The following NCOA7 variants were observed in gnomAD, a reference collection of about 807,000 sequenced individuals.
The protein encoded by NCOA7 is 140 kDa estrogen receptor-associated protein.
Under a neutral mutation model 104.3 loss-of-function variants are expected in NCOA7, and 45 were observed. The ratio of observed to expected loss-of-function variants is 0.43; its 90% CI spans 0.34 to 0.55. The LOEUF (loss-of-function observed/expected upper bound fraction) is 0.55. NCOA7 is among the 20% of genes least tolerant of loss of function. The pLI, the probability that NCOA7 is intolerant of heterozygous loss-of-function variation, is 0.02. For missense variants in NCOA7, 1,041 were observed against 1,119.7 expected, an observed-to-expected ratio of 0.93 and a Z score of 1.00; for synonymous variants, 398 against 402.3, an observed-to-expected ratio of 0.99 and a Z score of 0.13.
intron 1 of NCOA7, among the ~76,000 whole-genome samples, chr6:125,799,106 G>A (rs1775621206): frequency 6.6e-6 from 1 of 152,136 alleles, no homozygotes; most frequent in Admixed American, 6.5e-5. Flanking sequence ...ATGTGGCTTA[G>A]ATGATGATGG....
At chr6:125,826,336 G>GAA (rs34356104) in intron 2 of NCOA7, among the ~76,000 whole-genome samples, 4 of 123,810 alleles carry the variant, frequency 3.2e-5, no homozygotes, top group East Asian at 2.3e-4. Context: ...GTCTCTAAAA[G>GAA]AAAAAAAAAA....
chr6:125,816,553 A>G (rs1440476022), intron 2 of NCOA7, among the ~76,000 whole-genome samples: 1 of 152,228 alleles, frequency 6.6e-6, no homozygotes, highest in Non-Finnish European at 1.5e-5. Context: ...TTCTGCTATT[A>G]TGACTACAGA....
chr6:125,906,177 G>A (rs997064998), intron 10 of NCOA7, among the ~76,000 whole-genome samples: 2 of 152,122 alleles, frequency 1.3e-5, no homozygotes, highest in African/African-American at 4.8e-5. Context: ...CAGGGAGTGG[G>A]ACCCTTAAAA....
chr6:125,845,068 A>G (rs1780482525), intron 2 of NCOA7, among the ~76,000 whole-genome samples: 1 of 152,214 alleles, frequency 6.6e-6, no homozygotes, highest in African/African-American at 2.4e-5. Context: ...CCAAAGTACA[A>G]GACGATTCAA....
chr6:125,922,978 T>C lies in NCOA7; in HGVS notation c.2523+144T>C, dbSNP rs952108627. The C allele has an allele frequency of 1.7e-5, 12 of 704,156 alleles. No homozygotes were observed. The African/African-American group carries it at 2.2e-4, about 13-fold the overall frequency. 43.6% of individuals were successfully genotyped at this position (704,156 alleles called of 1,614,324 possible). ...CTTCTGTGTCTTTTATCTTTGTTTT[T>C]TCTCTGCTGAAATATTTTGAAGTAA... is the stretch of plus-strand genomic sequence containing the variant. On this transcript the variant is annotated intron_variant, in intron 13 of 15. Transcript: ENST00000392477.
intron 3 of NCOA7, among the ~76,000 whole-genome samples, chr6:125,858,325 G>C (rs1781759197): frequency 6.6e-6 from 1 of 152,090 alleles, no homozygotes; most frequent in African/African-American, 2.4e-5. Context: ...GAAGTATCCT[G>C]TGATTTATCT....
At chr6:125,916,977 T>G (rs528643286) in intron 11 of NCOA7, among the ~76,000 whole-genome samples, 1 of 152,346 alleles carries the variant, frequency 6.6e-6, no homozygotes, top group African/African-American at 2.4e-5. Context: ...CTTCATCATG[T>G]TGAAAGATCT....
chr6:125,809,867 G>A (rs535887959), intron 1 of NCOA7, among the ~76,000 whole-genome samples: 1 of 152,194 alleles, frequency 6.6e-6, no homozygotes, highest in East Asian at 1.9e-4. Context: ...TGTTATACTT[G>A]AATATTCAAG....
intron 2 of NCOA7, among the ~76,000 whole-genome samples, chr6:125,846,474 T>C (rs1780628859): frequency 6.6e-6 from 1 of 152,256 alleles, no homozygotes; most frequent in Middle Eastern, 3.4e-3. Context: ...AGCCTCTTGC[T>C]TTTGTTTACT....
At chr6:125,795,575 A>C (rs1334016292) in intron 1 of NCOA7, among the ~76,000 whole-genome samples, 1 of 152,028 alleles carries the variant, frequency 6.6e-6, no homozygotes, top group East Asian at 1.9e-4. Context: ...TTCTATTCCC[A>C]CTGCCTCTGT....
At chr6:125,806,670 A>G (rs1443220700) in intron 1 of NCOA7, among the ~76,000 whole-genome samples, 3 of 152,088 alleles carry the variant, frequency 2.0e-5, no homozygotes, top group African/African-American at 7.2e-5. Flanking sequence ...ATGCCCTGCA[A>G]TGAGTGAGGC....
chr6:125,886,164 G>GAA (rs57159294), intron 8 of NCOA7, among the ~76,000 whole-genome samples: 14,069 of 115,714 alleles, frequency 0.12, 949 homozygotes, highest in African/African-American at 0.19. Flanking sequence ...GGGCTTATAT[G>GAA]AAAAAAAAAA....
At chr6:125,786,965 G>A (rs1320133313), upstream of NCOA7, among the ~76,000 whole-genome samples, 3 of 151,992 alleles carry the variant, frequency 2.0e-5, no homozygotes, top group South Asian at 2.1e-4. Flanking sequence ...TGGGCAACAT[G>A]GCGAAACTCC....
intron 5 of NCOA7, among the ~76,000 whole-genome samples, chr6:125,880,471 C>T (rs766900292): frequency 4.0e-5 from 6 of 151,836 alleles, no homozygotes; most frequent in Non-Finnish European, 8.8e-5. Context: ...GCCCAGAATA[C>T]TTACCCACCT....
At position 125,921,005 on chromosome 6, in the gene NCOA7, C is replaced by T. The variant is rs375194417; in HGVS notation, c.2307C>T (p.Asp769=). ...KSTCSYYEDE[D]EEVLPVLRPH... is the part of the protein sequence containing the mutation. ...CATGCAGCTACTATGAAGACGAGGA[C>T]GAAGAGGTGCTGCCTGTCCTACGGC... Residue 769 remains aspartate (D), a synonymous_variant, in exon 12 of 16, where the codon GAC becomes GAT. Transcript: ENST00000392477. 19 of 1,613,734 alleles carry T rather than the reference C, an allele frequency of 1.2e-5. No individual in the cohort carries two copies. Among genetic ancestry groups the T allele is most frequent in the African/African-American group, 6.7e-5 (5 of 74,906 alleles).
intron 11 of NCOA7, among the ~76,000 whole-genome samples, chr6:125,916,245 C>T (rs533339775): frequency 6.6e-6 from 1 of 152,326 alleles, no homozygotes; most frequent in South Asian, 2.1e-4. Context: ...GCTTACCTCT[C>T]CTTTGCCTTC....
At chr6:125,893,988 G>T (rs533650004) in intron 10 of NCOA7, among the ~76,000 whole-genome samples, 1 of 152,116 alleles carries the variant, frequency 6.6e-6, no homozygotes, top group East Asian at 1.9e-4. Flanking sequence ...GGTGTGCTGG[G>T]GAGATCTGCA....
chr6:125,789,763 C>G (rs927662405), upstream of NCOA7, among the ~76,000 whole-genome samples: 1 of 152,226 alleles, frequency 6.6e-6, no homozygotes, highest in African/African-American at 2.4e-5. Flanking sequence ...CTTTGCTCCG[C>G]CTTCCAGAGA....
At position 125,922,819 on chromosome 6, in the gene NCOA7, A is replaced by G. The variant is rs1442504777; in HGVS notation, c.2508A>G (p.Lys836=). 6.2e-7 allele frequency: 1 copy of G among 1,614,040 alleles called. No individual in the cohort carries two copies. The highest frequency in any genetic ancestry group is 2.2e-5 in the East Asian group (1 of 44,872). The change falls in exon 13 of 16, where the codon AAA becomes AAG. Residue 836 remains lysine, a synonymous_variant. Transcript: ENST00000392477. Reference sequence around the variant, plus strand: ...ACAGTCCTGTCCTATTGGTCATCAAAGATATGGATAATCAGGTGAGGCCTG... The same window carrying G: ...ACAGTCCTGTCCTATTGGTCATCAAGGATATGGATAATCAGGTGAGGCCTG... The part of the protein sequence containing the change: ...SLDSPVLLVI[K]DMDNQIFGAY...
Sources: gnomAD v4.1 joint callset for allele counts (sites outside exome capture counted in the v4.1 genomes callset) on GRCh38, gnomAD v4.1.1 for gene constraint, MANE v1.5 for transcripts, NCBI Gene and HGNC (gene_info 2026-07-23, HGNC 2026-07-21) for gene names.